Variants in NTRK3 observed in about 807,000 individuals in gnomAD.
The protein encoded by NTRK3 is neurotrophic receptor tyrosine kinase 3, also known as NT-3 growth factor receptor.
A neutral mutation model predicts 91.7 loss-of-function variants in NTRK3; 24 were observed. The observed-to-expected ratio is 0.26, with a 90% CI of 0.19 to 0.37. The LOEUF (loss-of-function observed/expected upper bound fraction) is 0.37. Among genes scored for constraint, NTRK3 ranks in the 10% least tolerant of loss-of-function variants. The pLI, the probability that NTRK3 is intolerant of heterozygous loss-of-function variation, is 1.00. For synonymous variants in NTRK3, 483 were observed against 404.0 expected, an observed-to-expected ratio of 1.20 and a Z score of -2.34; for missense variants, 880 against 1,068.9, an observed-to-expected ratio of 0.82 and a Z score of 2.46.
chr15:88,062,942 T>C (rs1474041295), intron 13 of NTRK3, among the ~76,000 whole-genome samples: 1 of 152,232 alleles, frequency 6.6e-6, no homozygotes, highest in East Asian at 1.9e-4. Flanking sequence ...TCTGATTATC[T>C]TGTTTCCTTC....
chr15:87,873,102 G>C (rs566048070), exon 19 of NTRK3: 1 of 232,730 alleles, frequency 4.3e-6, no homozygotes, highest in African/African-American at 2.2e-5. Context: ...TCTCCCGTTG[G>C]TGTTGGTTTC....
chr15:87,998,394 G>A (rs915324076), intron 14 of NTRK3, among the ~76,000 whole-genome samples: 2 of 152,228 alleles, frequency 1.3e-5, no homozygotes, highest in Non-Finnish European at 2.9e-5. Flanking sequence ...CTGTAGTTGT[G>A]TGCATCATGG....
chr15:88,027,265 C>G (rs553878370), intron 14 of NTRK3, among the ~76,000 whole-genome samples: 9 of 152,150 alleles, frequency 5.9e-5, no homozygotes, highest in African/African-American at 1.9e-4. Flanking sequence ...GTAGCTCCCC[C>G]TCAGAGAGCT....
At chr15:88,140,213 T>C (rs1187159888) in intron 6 of NTRK3, among the ~76,000 whole-genome samples, 1 of 152,060 alleles carries the variant, frequency 6.6e-6, no homozygotes, top group Non-Finnish European at 1.5e-5. Flanking sequence ...CCAACAATAG[T>C]GTATAGGATA....
chr15:88,228,114 C>A (rs535274133), intron 3 of NTRK3, among the ~76,000 whole-genome samples: 1 of 152,248 alleles, frequency 6.6e-6, no homozygotes, highest in Admixed American at 6.5e-5. Context: ...CAGAATCATG[C>A]TTTTCCTTCT....
At chr15:88,143,520 T>C (rs1201069784) in intron 6 of NTRK3, among the ~76,000 whole-genome samples, 2 of 152,206 alleles carry the variant, frequency 1.3e-5, no homozygotes, top group Admixed American at 1.3e-4. Context: ...GCCTAGGAAA[T>C]GAATACAGCT....
intron 17 of NTRK3, among the ~76,000 whole-genome samples, chr15:87,882,050 C>A (rs1428767411): frequency 6.6e-6 from 1 of 151,966 alleles, no homozygotes. Context: ...CATGAAACAC[C>A]ATGCCTGGCT....
intron 6 of NTRK3, chr15:88,143,839 T>A (rs1210499858): frequency 1.3e-5 from 2 of 152,204 alleles, no homozygotes; most frequent in Non-Finnish European, 1.5e-5. Flanking sequence ...GCTGATTAAA[T>A]CTTCAAATGA....
chr15:88,050,575 A>AT (rs1173981381), intron 13 of NTRK3, among the ~76,000 whole-genome samples: 2 of 151,800 alleles, frequency 1.3e-5, no homozygotes, highest in African/African-American at 4.9e-5. Context: ...ACTCACACAC[A>AT]CAAATAAATC....
At chr15:87,903,586 T>G (rs1473867189) in intron 17 of NTRK3, among the ~76,000 whole-genome samples, 1 of 152,200 alleles carries the variant, frequency 6.6e-6, no homozygotes, top group Non-Finnish European at 1.5e-5. Flanking sequence ...CAAAGATTAA[T>G]TACTATTTAA....
At position 87,945,042 on chromosome 15, in the gene NTRK3, A is replaced by G. The variant is rs78976338; in HGVS notation, c.1586-4289T>C. ...ACTGCCTGGCTGGCTGGCCCAGCAG[A>G]GTCTGGGTCACAAGGCTCAGACATG... On this transcript the variant is annotated intron_variant, in intron 14 of 18. Coordinates refer to ENST00000394480, the Ensembl canonical transcript of NTRK3. 6.9e-3 allele frequency among the ~76,000 whole-genome samples: 1,049 copies of G among 152,308 alleles called. 16 individuals are homozygous for G. Among genetic ancestry groups the G allele is most frequent in the East Asian group, 0.035 (180 of 5,164 alleles).
chr15:87,886,647 A>G (rs896724706), intron 17 of NTRK3, among the ~76,000 whole-genome samples: 6 of 139,432 alleles, frequency 4.3e-5, no homozygotes, highest in African/African-American at 1.4e-4. Flanking sequence ...TATGTGAGTA[A>G]TGACCAAAGA....
intron 3 of NTRK3, among the ~76,000 whole-genome samples, chr15:88,226,669 T>C (rs1325381955): frequency 6.6e-6 from 1 of 152,248 alleles, no homozygotes; most frequent in African/African-American, 2.4e-5. Context: ...CTATGGCTGA[T>C]GCAAATCTCC....
chr15:88,214,881 T>C (rs1274188498), intron 3 of NTRK3, among the ~76,000 whole-genome samples: 3 of 152,174 alleles, frequency 2.0e-5, no homozygotes, highest in African/African-American at 7.2e-5. Context: ...GGGCTCATCT[T>C]CATGCCCCAG....
intron 14 of NTRK3, among the ~76,000 whole-genome samples, chr15:87,996,453 G>A (rs2075711671): frequency 6.6e-6 from 1 of 152,092 alleles, no homozygotes; most frequent in African/African-American, 2.4e-5. Context: ...TAGAGCTTAT[G>A]CAAATCAGAA....
At chr15:87,892,668 C>T (rs2065909335) in intron 17 of NTRK3, among the ~76,000 whole-genome samples, 1 of 152,070 alleles carries the variant, frequency 6.6e-6, no homozygotes, top group Admixed American at 6.6e-5. Context: ...ATAATGATAA[C>T]TCAAACCAAA....
exon 19 of NTRK3, chr15:87,872,235 C>T: frequency 4.6e-6 from 1 of 219,714 alleles, no homozygotes; most frequent in Middle Eastern, 1.4e-3. Flanking sequence ...AGATTCCGAG[C>T]AAAGCACTAA....
chr15:87,924,254 A>G (rs1253066437), intron 17 of NTRK3, among the ~76,000 whole-genome samples: 1 of 152,148 alleles, frequency 6.6e-6, no homozygotes, highest in Non-Finnish European at 1.5e-5. Flanking sequence ...CCAAGAGCTT[A>G]CAACTTTTCA....
chr15:87,972,074 G>T (rs1849591859), intron 14 of NTRK3, among the ~76,000 whole-genome samples: 1 of 152,196 alleles, frequency 6.6e-6, no homozygotes, highest in South Asian at 2.1e-4. Context: ...TTTCCCCTTT[G>T]CCAAGGCTAA....
Sources: gnomAD v4.1 joint callset for allele counts (sites outside exome capture counted in the v4.1 genomes callset) on GRCh38, gnomAD v4.1.1 for gene constraint, MANE v1.5 for transcripts, NCBI Gene and HGNC (gene_info 2026-07-23, HGNC 2026-07-21) for gene names.